The following OSBPL3 variants were observed in gnomAD, a reference collection of about 807,000 sequenced individuals.
OSBPL3 encodes the protein oxysterol-binding protein-related protein 3.
OSBPL3 carries 65 observed loss-of-function variants against 120.1 expected under a neutral mutation model. The observed-to-expected ratio is 0.54, with a 90% CI of 0.44 to 0.67. OSBPL3 has a LOEUF of 0.67. Ranked by LOEUF, OSBPL3 falls within the 30% of genes least tolerant of loss-of-function variation. The pLI is 0.00. For synonymous variants in OSBPL3, 416 were observed against 402.6 expected (o/e 1.03, Z -0.40); for missense variants, 1,004 against 1,082.1 (o/e 0.93, Z 1.01).
chr7:24,828,622 G>A (rs6956107), intron 16 of OSBPL3, among the ~76,000 whole-genome samples: 31,793 of 77,906 alleles, frequency 0.41, 5,438 homozygotes, highest in African/African-American at 0.57. Flanking sequence ...AAAAAAAAAA[G>A]AAAAAAAAAA....
Position 24,805,237 on chromosome 7 carries a change from A to G in OSBPL3, c.2445-800T>C, listed in dbSNP as rs939462240. ...AGTGCCCTTTTCTCCCATAACCTCAAAGTGTATAAAACTTCTGAATTTTTG... is the reference window on the plus strand; with the variant it reads ...AGTGCCCTTTTCTCCCATAACCTCAGAGTGTATAAAACTTCTGAATTTTTG... On this transcript the variant is annotated intron_variant, in intron 21 of 22. Coordinates refer to ENST00000313367, the MANE Select transcript of OSBPL3 (RefSeq NM_015550.4). The surrounding 1 kb of genome is among the most constrained non-coding windows in gnomAD (Gnocchi z 4.0). Among the ~76,000 whole-genome samples the G allele has an allele frequency of 2.0e-5, 3 of 152,160 alleles. No individual in the cohort carries two copies. Among genetic ancestry groups the G allele is most frequent in the African/African-American group, 7.2e-5 (3 of 41,430 alleles).
rs1809511280 is a variant in OSBPL3, at chr7:24,916,060, G to A, written c.-149-23439C>T. On this transcript the variant is annotated intron_variant, in intron 1 of 22. Coordinates refer to ENST00000313367, the MANE Select transcript of OSBPL3 (RefSeq NM_015550.4). This position sits in a 1 kb window ranked among gnomAD's most constrained non-coding sequence, Gnocchi z 4.9. ...TCAGAAAGCCAGGCAGGGACAAAGG[G>A]AGAAGGCACTCGATGTTTATCATGT... 6.6e-6 allele frequency among the ~76,000 whole-genome samples: 1 copy of A among 152,170 alleles called. No homozygotes were observed. Among genetic ancestry groups the A allele is most frequent in the Non-Finnish European group, 1.5e-5 (1 of 68,036 alleles).
intron 10 of OSBPL3, among the ~76,000 whole-genome samples, chr7:24,856,698 T>C (rs2128238031): frequency 6.6e-6 from 1 of 152,292 alleles, no homozygotes; most frequent in East Asian, 1.9e-4. Context: ...GAGGAGCGCT[T>C]TAAGCAATGA....
intron 1 of OSBPL3, among the ~76,000 whole-genome samples, chr7:24,897,427 G>A (rs1400754311): frequency 1.4e-5 from 2 of 143,750 alleles, no homozygotes; most frequent in Non-Finnish European, 3.0e-5. Flanking sequence ...CCGGGTTCAC[G>A]CCATTCTCCT....
At chr7:24,935,719 T>C (rs1053716147) in intron 1 of OSBPL3, among the ~76,000 whole-genome samples, 4 of 152,164 alleles carry the variant, frequency 2.6e-5, no homozygotes, top group Non-Finnish European at 5.9e-5. Context: ...TGTGTCTCTA[T>C]GTGCCTGGGG....
intron 19 of OSBPL3, among the ~76,000 whole-genome samples, chr7:24,812,843 A>G (rs1286095945): frequency 6.6e-6 from 1 of 152,202 alleles, no homozygotes; most frequent in Admixed American, 6.5e-5. Flanking sequence ...AAGGAAAAGC[A>G]AAAAGAAAAA....
chr7:24,828,142 A>G (rs964024902), intron 16 of OSBPL3, among the ~76,000 whole-genome samples: 7 of 151,876 alleles, frequency 4.6e-5, no homozygotes, highest in Admixed American at 6.6e-5. Flanking sequence ...CTCCTGCCTC[A>G]GCCTCCTGAG....
intron 2 of OSBPL3, among the ~76,000 whole-genome samples, chr7:24,874,897 G>C (rs192799945): frequency 6.6e-6 from 1 of 152,292 alleles, no homozygotes; most frequent in East Asian, 1.9e-4. Context: ...TGAGTTGTGA[G>C]GCCAACATCC....
Position 24,980,042 on chromosome 7 carries a change from T to C in OSBPL3, c.-306A>G. 1.0e-6 allele frequency: 1 copy of C among 985,188 alleles called. No homozygotes were observed. Among genetic ancestry groups the C allele is most frequent in the Non-Finnish European group, 1.2e-6 (1 of 829,912 alleles). The allele number at this position is 985,188 out of a possible 1,614,324, so 61.0% of individuals were successfully genotyped here. On this transcript the variant is annotated 5_prime_UTR_variant, in exon 1 of 23. Transcript: ENST00000313367. ...CGGCCGCAGGAGTCGGGGGCGGGGA[T>C]GGCCACTTGCAGACAGACTGCGGGG...
intron 1 of OSBPL3, among the ~76,000 whole-genome samples, chr7:24,934,281 T>G (rs370770379): frequency 3.9e-5 from 6 of 152,280 alleles, no homozygotes; most frequent in South Asian, 2.1e-4. Context: ...ACCCTTTCAT[T>G]ATAATCCTTT....
Position 24,813,638 on chromosome 7 carries a change from C to G in OSBPL3, c.2172+1421G>C, listed in dbSNP as rs1489164930. 6.6e-6 allele frequency among the ~76,000 whole-genome samples: 1 copy of G among 152,174 alleles called. No individual in the cohort carries two copies. The highest frequency in any genetic ancestry group is 2.4e-5 in the African/African-American group (1 of 41,438). On this transcript the variant is annotated intron_variant, in intron 19 of 22. Transcript: ENST00000313367. The surrounding 1 kb of genome is among the most constrained non-coding windows in gnomAD (Gnocchi z 4.5). The stretch of plus-strand genomic sequence containing the variant: ...TGAGGCTATAATAAAGACCCCAATC[C>G]ACCTCTTCCTAAGTATTCCCTATAG...
intron 1 of OSBPL3, among the ~76,000 whole-genome samples, chr7:24,911,058 TG>T (rs1214900435): frequency 6.6e-6 from 1 of 152,242 alleles, no homozygotes; most frequent in African/African-American, 2.4e-5. Flanking sequence ...AACATAATCT[TG>T]CATCCAGAAA....
chr7:24,979,803 C>CCACTCACCTG, intron 1 of OSBPL3, 83 bp downstream of exon 1: 1 of 820,068 alleles, frequency 1.2e-6, no homozygotes, highest in Non-Finnish European at 1.5e-6. Flanking sequence ...CGGCGCCCCG[C>CCACTCACCTG]AAACAGCAGC....
intron 1 of OSBPL3, among the ~76,000 whole-genome samples, chr7:24,971,697 T>G (rs1255745355): frequency 2.0e-5 from 3 of 152,254 alleles, no homozygotes; most frequent in Non-Finnish European, 4.4e-5. Context: ...CGCTAGCCTC[T>G]GTTTTATCAG....
intron 1 of OSBPL3, among the ~76,000 whole-genome samples, chr7:24,960,627 A>T (rs1455375951): frequency 2.0e-5 from 3 of 152,146 alleles, no homozygotes; most frequent in Non-Finnish European, 4.4e-5. Context: ...TTCATTTTTA[A>T]TTTGATCCCA....
At chr7:24,935,900 T>C (rs998309332) in intron 1 of OSBPL3, among the ~76,000 whole-genome samples, 2 of 152,150 alleles carry the variant, frequency 1.3e-5, no homozygotes, top group African/African-American at 4.8e-5. Context: ...TTTATTATTA[T>C]ACTTTAAGTT....
rs893198215 is a variant in OSBPL3 at position 24,933,324 on chromosome 7, G to A, written c.-149-40703C>T. Among the ~76,000 whole-genome samples, 1 of 152,096 alleles carries A rather than the reference G, an allele frequency of 6.6e-6. No individual in the cohort carries two copies. The highest frequency in any genetic ancestry group is 1.5e-5 in the Non-Finnish European group (1 of 68,002). On this transcript the variant is annotated intron_variant, in intron 1 of 22. Coordinates refer to ENST00000313367, the MANE Select transcript of OSBPL3 (RefSeq NM_015550.4). The surrounding 1 kb of genome is among the most constrained non-coding windows in gnomAD (Gnocchi z 5.1). ...TAACACTGCTCTAGAGTCAAAAAAA[G>A]AACCAACCCATGAAGGTAAAAAGCA... is the stretch of plus-strand genomic sequence containing the variant.
intron 14 of OSBPL3, among the ~76,000 whole-genome samples, chr7:24,836,145 G>A (rs1241820351): frequency 2.0e-5 from 3 of 152,104 alleles, no homozygotes; most frequent in South Asian, 2.1e-4. Flanking sequence ...ATGAAGAAGC[G>A]GGATTACTAT....
In OSBPL3 at chr7:24,863,462, G is replaced by A. The variant is rs745915232; in HGVS notation, c.777+34C>T. 3.3e-6 allele frequency: 5 copies of A among 1,530,770 alleles called. No individual in the cohort carries two copies. The highest frequency in any genetic ancestry group is 3.6e-6 in the Non-Finnish European group (4 of 1,104,042). The allele number at this position is 1,530,770 out of a possible 1,614,324, so 94.8% of individuals were successfully genotyped here. A position where few individuals can be genotyped will look rare whatever the true frequency, so the allele number is the denominator to read the frequency against. ...GGAGGAGAAAGGAAAGCAGAAGAGG[G>A]CCAGAATGTCAACAGAAGAGGAGTC... On this transcript the variant is annotated intron_variant, in intron 8 of 22. Coordinates refer to ENST00000313367, the MANE Select transcript of OSBPL3 (RefSeq NM_015550.4). The surrounding 1 kb of genome is among the most constrained non-coding windows in gnomAD (Gnocchi z 5.8).
Sources: gnomAD v4.1 joint callset for allele counts (sites outside exome capture counted in the v4.1 genomes callset) on GRCh38, gnomAD v4.1.1 for gene constraint, Gnocchi (gnomAD v3.1) non-coding constraint, MANE v1.5 for transcripts, NCBI Gene and HGNC (gene_info 2026-07-23, HGNC 2026-07-21) for gene names.